PRAMEF14: variants seen among roughly 807,000 people sequenced by gnomAD.
The protein encoded by PRAMEF14 is PRAME family member 14.
PRAMEF14 carries 24 observed loss-of-function variants against 38.3 expected under a neutral mutation model. That is an observed-to-expected ratio of 0.63 (90% CI 0.45 to 0.88). The LOEUF (loss-of-function observed/expected upper bound fraction) is 0.88. PRAMEF14 is among the 40% of genes least tolerant of loss of function. The pLI is 0.00. For missense variants in PRAMEF14, 477 were observed against 570.8 expected, an observed-to-expected ratio of 0.84 and a Z score of 1.67; for synonymous variants, 194 against 226.4, an observed-to-expected ratio of 0.86 and a Z score of 1.29.
At position 13,346,871 on chromosome 1, in the gene PRAMEF14, T is replaced by C. The variant is rs1343324300; in HGVS notation, c.-26+186A>G. On this transcript the variant is annotated intron_variant, in intron 1 of 3. Transcript: ENST00000334600. ...ATAAGAATTTTAAAATGACAAAAACTAAGCACAAATCACAATTTGATGGAT... is the reference window on the plus strand; with the variant it reads ...ATAAGAATTTTAAAATGACAAAAACCAAGCACAAATCACAATTTGATGGAT... 1.3e-3 allele frequency among the ~76,000 whole-genome samples: 192 copies of C among 149,700 alleles called. 1 individual carries two copies. Among genetic ancestry groups the C allele is most frequent in the Middle Eastern group, 7.0e-3 (2 of 286 alleles).
intron 1 of PRAMEF14, 146 bp from the exon 2 acceptor site, chr1:13,345,485 C>T (rs1207574822): frequency 1.2e-5 from 15 of 1,281,074 alleles, no homozygotes; most frequent in African/African-American, 1.5e-5. Flanking sequence ...TCCTTCATTC[C>T]ACTGAATCCC....
rs1175323119 is a variant in PRAMEF14, at chr1:13,345,576, C to T, written c.-25-237G>A. ...GGAAAAATTTCTTGTCACTTACCAC[C>T]CTAAAGCAATGAGAATGAGAGTGTC... is the stretch of plus-strand genomic sequence containing the variant. On this transcript the variant is annotated intron_variant, in intron 1 of 3. Coordinates refer to ENST00000334600, the MANE Select transcript of PRAMEF14 (RefSeq NM_001024661.2). 4.6e-5 allele frequency among the ~76,000 whole-genome samples: 7 copies of T among 150,832 alleles called. 1 individual carries two copies. Among genetic ancestry groups the T allele is most frequent in the Admixed American group, 6.6e-5 (1 of 15,166 alleles).
chr1:13,345,356 G>A lies in PRAMEF14; in HGVS notation c.-25-17C>T. The A allele has an allele frequency of 6.2e-7, 1 of 1,600,838 alleles. No individual in the cohort carries two copies. The highest frequency in any genetic ancestry group is 8.5e-7 in the Non-Finnish European group (1 of 1,175,226). ...GAAAAATCTCTAGAAGACAAATCCAGGGAAAATGTATCACTCTCATGGCAA... is the reference window on the plus strand; with the variant it reads ...GAAAAATCTCTAGAAGACAAATCCAAGGAAAATGTATCACTCTCATGGCAA... On this transcript the variant is annotated splice_polypyrimidine_tract_variant and intron_variant, in intron 1 of 3. Transcript: ENST00000334600.
Position 13,342,836 on chromosome 1 carries a change from G to C in PRAMEF14, c.1117C>G (p.Leu373Val), listed in dbSNP as rs781265303. 4.9e-5 allele frequency: 79 copies of C among 1,608,552 alleles called. 2 individuals are homozygous for C. The highest frequency in any genetic ancestry group is 6.4e-5 in the Non-Finnish European group (76 of 1,179,212). ...YSQLSAILPG[L>V]SHCSQLTTFY... ...GTGGTGAGCTGGGAGCAGTGGCTCAGGCCAGGCAGGATGGCACTGAGTTGG... is the reference window on the plus strand; with the variant it reads ...GTGGTGAGCTGGGAGCAGTGGCTCACGCCAGGCAGGATGGCACTGAGTTGG... Residue 373 changes from leucine (L) to valine (V), a missense_variant, in exon 4 of 4, where the codon CTG (leucine) becomes GTG (valine). Physicochemically the swap from Leu to Val is conservative, Grantham distance 32. Transcript: ENST00000334600.
chr1:13,344,749 G>A, intron 2 of PRAMEF14, 133 bp from the exon 3 acceptor site: 4 of 1,457,352 alleles, frequency 2.7e-6, no homozygotes, highest in Non-Finnish European at 3.7e-6. Context: ...CTCAATCCCT[G>A]TTCCCTTTTG....
intron 1 of PRAMEF14, among the ~76,000 whole-genome samples, chr1:13,345,966 T>A (rs1640398279): frequency 6.7e-6 from 1 of 148,374 alleles, no homozygotes; most frequent in South Asian, 2.2e-4. Flanking sequence ...AACAAACTGA[T>A]AAATTAATTA....
Position 13,343,086 on chromosome 1 carries a change from C to G in PRAMEF14, c.867G>C (p.Arg289Ser). 2.5e-6 allele frequency: 4 copies of G among 1,609,370 alleles called. No homozygotes were observed. The South Asian group carries it at 3.3e-5, about 13-fold the overall frequency. ...AGTTCTCCAAGGGGTTCTGGAGGCA[C>G]CTGTGGAGATCAAGAAGTTAGTTCT... The part of the protein sequence containing the change: ...FFSGHLEQLI[R>S]CLQNPLENLE... The change falls in exon 4 of 4, where the codon AGG becomes AGC. Residue 289 changes from arginine (R) to serine (S), a missense_variant and splice_region_variant. This residue lies in a region of PRAMEF14 where 234 missense variants were observed against 247.4 expected (regional missense o/e 0.95). Coordinates refer to ENST00000334600, the MANE Select transcript of PRAMEF14 (RefSeq NM_001024661.2).
In PRAMEF14 at chr1:13,342,841, G is replaced by A. The variant is rs1427474726; in HGVS notation, c.1112C>T (p.Pro371Leu). The A allele has an allele frequency of 6.2e-7, 1 of 1,608,732 alleles. No individual in the cohort carries two copies. The highest frequency in any genetic ancestry group is 1.7e-5 in the Admixed American group (1 of 59,838). Reference sequence around the variant, plus strand: ...GAGCTGGGAGCAGTGGCTCAGGCCAGGCAGGATGGCACTGAGTTGGGAGTA... The same window carrying A: ...GAGCTGGGAGCAGTGGCTCAGGCCAAGCAGGATGGCACTGAGTTGGGAGTA... ...IHYSQLSAILPGLSHCSQLTT... is the reference protein window; with the variant it reads ...IHYSQLSAILLGLSHCSQLTT... Residue 371 changes from proline (P) to leucine (L), a missense_variant, in exon 4 of 4, where the codon CCT becomes CTT. Transcript: ENST00000334600.
rs1462626900 is a variant in PRAMEF14 at position 13,343,112 on chromosome 1, G to C, written c.867-26C>G. 5 of 1,605,988 alleles carry C rather than the reference G, an allele frequency of 3.1e-6. No individual in the cohort carries two copies. In the Admixed American group the frequency reaches 6.7e-5, roughly 22 times the overall value. On this transcript the variant is annotated intron_variant, in intron 3 of 3. Coordinates refer to ENST00000334600, the MANE Select transcript of PRAMEF14 (RefSeq NM_001024661.2). ...CTGTGGAGATCAAGAAGTTAGTTCT[G>C]GGCAATGGTACCAGTTAGATGAAGG...
At position 13,344,038 on chromosome 1, in the gene PRAMEF14, C is replaced by T; in HGVS notation, c.866G>A (p.Arg289Lys). The change falls in exon 3 of 4, where the codon AGG (arginine) becomes AAG (lysine). Residue 289 changes from arginine (R) to lysine (K), a missense_variant and splice_region_variant. By Grantham distance (26) the Arg-to-Lys change is conservative. Transcript: ENST00000334600. Reference sequence around the variant, plus strand: ...TATAAAGTGCATGATCCTTCCTCACCTGATCAGCTGTTCCAGGTGCCCACT... The same window carrying T: ...TATAAAGTGCATGATCCTTCCTCACTTGATCAGCTGTTCCAGGTGCCCACT... Reference protein sequence around the residue: ...FFSGHLEQLIRCLQNPLENLE... With the variant: ...FFSGHLEQLIKCLQNPLENLE... 6.2e-7 allele frequency: 1 copy of T among 1,608,442 alleles called. No homozygotes were observed. Among genetic ancestry groups the T allele is most frequent in the South Asian group, 1.1e-5 (1 of 90,710 alleles).
chr1:13,345,805 A>T (rs1173460671), intron 1 of PRAMEF14, among the ~76,000 whole-genome samples: 6 of 151,798 alleles, frequency 4.0e-5, no homozygotes, highest in Non-Finnish European at 8.8e-5. Context: ...GGAGTTCGAG[A>T]ACAGCCTGGC....
chr1:13,342,496 T>C lies in PRAMEF14; in HGVS notation c.*32A>G, dbSNP rs1640340930. On this transcript the variant is annotated 3_prime_UTR_variant, in exon 4 of 4. Transcript: ENST00000334600. ...TGTCCCAGTGCCTGGAAGAGAACTT[T>C]GGATTTCTCTACCCCGCTAGGCACG... is the stretch of plus-strand genomic sequence containing the variant. The C allele has an allele frequency of 6.2e-7, 1 of 1,604,314 alleles. No individual in the cohort carries two copies. Among genetic ancestry groups the C allele is most frequent in the Non-Finnish European group, 8.5e-7 (1 of 1,176,428 alleles).
rs535997345 is a variant in PRAMEF14 at position 13,342,668 on chromosome 1, T to G, written c.1285A>C (p.Ile429Leu). ...LNSLVRVDWE[I>L]FALLRAELMC... is the part of the protein sequence containing the mutation. The stretch of plus-strand genomic sequence containing the variant: ...AGCTCAGCCCGAAGTAGGGCGAAGA[T>G]CTCCCAATCGACACGAACCAAGGAA... The change falls in exon 4 of 4, where the codon ATC becomes CTC. Residue 429 changes from isoleucine to leucine, a missense_variant. By Grantham distance (5) the Ile-to-Leu change is conservative. Around this residue, in one of 4 missense-constraint regions of PRAMEF14, gnomAD observed 151 missense variants for 137.4 expected, o/e 1.10. Transcript: ENST00000334600. 2.5e-6 allele frequency: 4 copies of G among 1,604,994 alleles called. No homozygotes were observed. In the African/African-American group the frequency reaches 4.0e-5, roughly 16 times the overall value.
chr1:13,346,124 G>C (rs1185957871), intron 1 of PRAMEF14, among the ~76,000 whole-genome samples: 1 of 148,874 alleles, frequency 6.7e-6, no homozygotes, highest in African/African-American at 2.5e-5. Flanking sequence ...GACACACTCA[G>C]AGTACATCGC....
In PRAMEF14 at chr1:13,344,960, T is replaced by C. The variant is rs1640382102; in HGVS notation, c.287+68A>G. On this transcript the variant is annotated intron_variant, in intron 2 of 3. Coordinates refer to ENST00000334600, the MANE Select transcript of PRAMEF14 (RefSeq NM_001024661.2). ...CTGGGCCACACTTGGGCTACTTCTC[T>C]GCCTGACCCTGCTGTTCTTTCCCTG... 3.6e-6 allele frequency: 5 copies of C among 1,394,348 alleles called. No homozygotes were observed. The South Asian group carries it at 6.3e-5, about 17-fold the overall frequency. 86.4% of individuals were successfully genotyped at this position (1,394,348 alleles called of 1,614,324 possible).
rs1355371795 is a variant in PRAMEF14 at position 13,345,443 on chromosome 1, G to A, written c.-25-104C>T. 5.1e-5 allele frequency: 70 copies of A among 1,359,244 alleles called. 1 individual carries two copies. The highest frequency in any genetic ancestry group is 6.3e-5 in the Non-Finnish European group (63 of 996,194). 84.2% of individuals were successfully genotyped at this position (1,359,244 alleles called of 1,614,324 possible). A position where few individuals can be genotyped will look rare whatever the true frequency, so the allele number is the denominator to read the frequency against. On this transcript the variant is annotated intron_variant, in intron 1 of 3. Transcript: ENST00000334600. ...GTCTTCCAAACACCAAGGAGGGAGG[G>A]GTCAAGGAGACCACTGGCTTATTAA...
Position 13,342,196 on chromosome 1 carries a change from C to T in PRAMEF14, c.*332G>A. ...CCTCAACATTTTCCTCCAGCCTTGC[C>T]CCCTGCTGTTATGTTTTTTTCCCTC... On this transcript the variant is annotated 3_prime_UTR_variant, in exon 4 of 4. Transcript: ENST00000334600. 1 of 360,404 alleles carries T rather than the reference C, an allele frequency of 2.8e-6. No individual in the cohort carries two copies. The highest frequency in any genetic ancestry group is 5.6e-5 in the East Asian group (1 of 17,916). The allele number at this position is 360,404 out of a possible 1,614,324, so 22.3% of individuals were successfully genotyped here. A position where few individuals can be genotyped will look rare whatever the true frequency, so the allele number is the denominator to read the frequency against.
In PRAMEF14 at chr1:13,342,624, T is replaced by G. The variant is rs780612871; in HGVS notation, c.1329A>C (p.Glu443Asp). The part of the protein sequence containing the change: ...LRAELMCTLR[E>D]VRQPKRIFIG... ...TGAAGATCCTCTTGGGCTGCCTGACTTCCCTCAGTGTACACATCAGCTCAG... is the reference window on the plus strand; with the variant it reads ...TGAAGATCCTCTTGGGCTGCCTGACGTCCCTCAGTGTACACATCAGCTCAG... The change falls in exon 4 of 4, where the codon GAA (glutamate) becomes GAC (aspartate). Residue 443 changes from glutamate (E) to aspartate (D), a missense_variant. Transcript: ENST00000334600. 13 of 1,604,878 alleles carry G rather than the reference T, an allele frequency of 8.1e-6. No homozygotes were observed. In the African/African-American group the frequency reaches 1.1e-4, roughly 13 times the overall value.
In PRAMEF14 at chr1:13,342,333, C is replaced by T. The variant is rs1314530282; in HGVS notation, c.*195G>A. Reference sequence around the variant, plus strand: ...CTGAGGCAGGAGGATCCCATAAGCCCAGCTGAGGCAGGAGGATCCCAGAGC... The same window carrying T: ...CTGAGGCAGGAGGATCCCATAAGCCTAGCTGAGGCAGGAGGATCCCAGAGC... On this transcript the variant is annotated 3_prime_UTR_variant, in exon 4 of 4. Coordinates refer to ENST00000334600, the MANE Select transcript of PRAMEF14 (RefSeq NM_001024661.2). The T allele has an allele frequency of 9.0e-4, 961 of 1,071,504 alleles. 14 individuals are homozygous for T. The African/African-American group carries it at 0.014, about 16-fold the overall frequency. 66.4% of individuals were successfully genotyped at this position (1,071,504 alleles called of 1,614,324 possible).
Sources: allele counts gnomAD v4.1 joint callset (sites outside exome capture counted in the v4.1 genomes callset), GRCh38; gene constraint gnomAD v4.1.1; regional missense constraint gnomAD v4.1.1; transcripts MANE v1.5; gene names NCBI Gene and HGNC (gene_info 2026-07-23, HGNC 2026-07-21).